The following COL5A2 variants were observed in gnomAD, a reference collection of about 807,000 sequenced individuals.
COL5A2 encodes collagen type V alpha 2 chain.
In COL5A2, 23 loss-of-function variants were observed where a neutral mutation model predicts 208.2. The ratio of observed to expected loss-of-function variants is 0.11; its 90% confidence interval spans 0.08 to 0.16. The LOEUF (loss-of-function observed/expected upper bound fraction) is 0.16, where lower values mean the gene tolerates loss of function less well. COL5A2 is among the 10% of genes least tolerant of loss of function. The pLI is 1.00. For missense variants in COL5A2, 1,590 were observed against 1,956.4 expected (o/e 0.81, Z 3.53); for synonymous variants, 625 against 628.5 (o/e 0.99, Z 0.08).
At chr2:189,085,344 T>C (rs1686633569) in intron 10 of COL5A2, 131 bp from the exon 11 acceptor site, 1 of 874,354 alleles carries the variant, frequency 1.1e-6, no homozygotes. Flanking sequence ...ATAAATATTG[T>C]TGAGACAGAG....
chr2:189,112,152 C>T (rs1163515377), intron 1 of COL5A2, among the ~76,000 whole-genome samples: 2 of 152,098 alleles, frequency 1.3e-5, no homozygotes, highest in Non-Finnish European at 1.5e-5. Flanking sequence ...CCACTGTGCC[C>T]GGCCTCCTCA....
At chr2:189,199,591 G>A (rs978845115) in intron 1 of COL5A2, among the ~76,000 whole-genome samples, 1 of 152,022 alleles carries the variant, frequency 6.6e-6, no homozygotes, top group East Asian at 1.9e-4. Context: ...TCTTCAAAAG[G>A]TTTATCTTCT....
At chr2:189,127,496 A>T (rs962039619) in intron 1 of COL5A2, among the ~76,000 whole-genome samples, 1 of 152,082 alleles carries the variant, frequency 6.6e-6, no homozygotes, top group African/African-American at 2.4e-5. Context: ...GTAGTTCAGA[A>T]AACCTAGGCT....
At chr2:189,053,545 T>C (rs1685836450) in intron 37 of COL5A2, 68 bp from the exon 38 acceptor site, 2 of 1,338,078 alleles carry the variant, frequency 1.5e-6, no homozygotes, top group Non-Finnish European at 2.1e-6. Context: ...TTTTAAAATA[T>C]GATCATATAA....
rs267599127 is a variant in COL5A2, at chr2:189,051,370, G to A, written c.2881C>T (p.Pro961Ser). The change falls in exon 42 of 54, where the codon CCC becomes TCC. Residue 961 changes from proline (P) to serine (S), a missense_variant. Physicochemically the swap from Pro to Ser is moderately conservative, Grantham distance 74 (BLOSUM62 -1). Transcript: ENST00000374866. ...GRVGDRGPAG[P>S]PGGPGDKGDP... ...CCTTTGTCTCCTGGGCCACCAGGGGGGCCAGCTGGTCCTCGATCTCCCACA... is the reference window on the plus strand; with the variant it reads ...CCTTTGTCTCCTGGGCCACCAGGGGAGCCAGCTGGTCCTCGATCTCCCACA... 34 of 1,613,904 alleles carry A rather than the reference G, an allele frequency of 2.1e-5. No homozygotes were observed. Among genetic ancestry groups the A allele is most frequent in the Non-Finnish European group, 2.8e-5 (33 of 1,179,976 alleles).
chr2:189,335,296 T>C, the COL5A2 span, among the ~76,000 whole-genome samples: 1 of 152,068 alleles, frequency 6.6e-6, no homozygotes, highest in Non-Finnish European at 1.5e-5. Context: ...ACAGATTTTT[T>C]AAAGCAGACA....
chr2:189,312,862 C>A, the COL5A2 span, among the ~76,000 whole-genome samples: 1 of 149,540 alleles, frequency 6.7e-6, no homozygotes, highest in African/African-American at 2.5e-5. Flanking sequence ...AGTAGCTAGA[C>A]TGTTAAAGGA....
the COL5A2 span, chr2:189,311,296 C>T: frequency 2.0e-5 from 26 of 1,333,058 alleles, no homozygotes; most frequent in African/African-American, 4.3e-5. Context: ...TGGTCTCAGA[C>T]ACCACTTGGC....
chr2:189,354,592 G>A, the COL5A2 span, among the ~76,000 whole-genome samples: 1 of 152,116 alleles, frequency 6.6e-6, no homozygotes, highest in East Asian at 1.9e-4. Flanking sequence ...TTCTCTGACG[G>A]TAGTTTGTAT....
At chr2:189,319,613 C>T in the COL5A2 span, among the ~76,000 whole-genome samples, 3 of 151,950 alleles carry the variant, frequency 2.0e-5, no homozygotes, top group African/African-American at 4.8e-5. Flanking sequence ...CAGCCAGGCT[C>T]GGGGAGGGGC....
chr2:189,163,499 A>G (rs1688410207), intron 1 of COL5A2, among the ~76,000 whole-genome samples: 1 of 152,196 alleles, frequency 6.6e-6, no homozygotes, highest in African/African-American at 2.4e-5. Context: ...GCATCTAGGA[A>G]CTTTATTGTA....
At chr2:189,063,867 T>A (rs1686087015) in intron 26 of COL5A2, 113 bp downstream of exon 26, 1 of 835,382 alleles carries the variant, frequency 1.2e-6, no homozygotes, top group South Asian at 1.6e-5. Context: ...TACAAATATG[T>A]CAATATGACC....
the COL5A2 span, among the ~76,000 whole-genome samples, chr2:189,405,910 ATAAAT>A: frequency 6.6e-6 from 1 of 152,362 alleles, no homozygotes; most frequent in African/African-American, 2.4e-5. Context: ...TTTTAGGCTA[ATAAAT>A]TAATCTGTTG....
intron 26 of COL5A2, 63 bp downstream of exon 26, chr2:189,063,917 C>T (rs1329126749): frequency 7.9e-7 from 1 of 1,265,862 alleles, no homozygotes; most frequent in Non-Finnish European, 1.2e-6. Context: ...AAATAAATAT[C>T]ATTTAAGTTG....
rs1685923463 is a variant in COL5A2, at chr2:189,057,382, C to G, written c.2275G>C (p.Gly759Arg). The change falls in exon 34 of 54, where the codon GGT (glycine) becomes CGT (arginine). Residue 759 changes from glycine to arginine, a missense_variant. Gly to Arg is a moderately radical substitution (Grantham distance 125). Transcript: ENST00000374866. The part of the protein sequence containing the change: ...SGTPGDTGPP[G>R]LQGMPGERGI... ...CTTTCTCCCGGCATACCTTGAAGAC[C>G]TGGTGGGCCTGTATCTCCAGGGGTC... The G allele has an allele frequency of 6.2e-7, 1 of 1,613,448 alleles. No homozygotes were observed. The highest frequency in any genetic ancestry group is 8.5e-7 in the Non-Finnish European group (1 of 1,179,918).
chr2:189,287,657 C>G, the COL5A2 span, among the ~76,000 whole-genome samples: 2 of 152,156 alleles, frequency 1.3e-5, no homozygotes, highest in Non-Finnish European at 2.9e-5. Context: ...GCAGTGACTA[C>G]TTACTAACAA....
the COL5A2 span, among the ~76,000 whole-genome samples, chr2:189,380,617 T>C: frequency 6.6e-6 from 1 of 151,766 alleles, no homozygotes; most frequent in Non-Finnish European, 1.5e-5. Context: ...TTTATGCTGT[T>C]CAATTATTTT....
chr2:189,296,294 T>G, the COL5A2 span, among the ~76,000 whole-genome samples: 1 of 152,230 alleles, frequency 6.6e-6, no homozygotes, highest in Non-Finnish European at 1.5e-5. Flanking sequence ...TTGTTTGTTT[T>G]TTTACAGTTT....
the COL5A2 span, among the ~76,000 whole-genome samples, chr2:189,329,397 T>C: frequency 6.6e-6 from 1 of 152,192 alleles, no homozygotes; most frequent in Non-Finnish European, 1.5e-5. Flanking sequence ...GTTTTATACA[T>C]CTATTGTACA....
Sources: allele counts gnomAD v4.1 joint callset (sites outside exome capture counted in the v4.1 genomes callset), GRCh38; gene constraint gnomAD v4.1.1; transcripts MANE v1.5; gene names NCBI Gene and HGNC (gene_info 2026-07-23, HGNC 2026-07-21).